The following PELP1 variants were observed in gnomAD, a reference collection of about 807,000 sequenced individuals.
The protein encoded by PELP1 is proline-, glutamic acid- and leucine-rich protein 1.
A neutral mutation model predicts 95.5 loss-of-function variants in PELP1; 32 were observed. That is an observed-to-expected ratio of 0.34 (90% CI 0.25 to 0.45). PELP1 has a LOEUF of 0.45. Among genes scored for constraint, PELP1 ranks in the 20% least tolerant of loss-of-function variants. PELP1 has a pLI of 1.00. For missense variants in PELP1, 1,358 were observed against 1,444.8 expected, an observed-to-expected ratio of 0.94 and a Z score of 0.97; for synonymous variants, 668 against 600.1, an observed-to-expected ratio of 1.11 and a Z score of -1.65.
chr17:4,694,593 G>A (rs1446874230), intron 1 of PELP1, among the ~76,000 whole-genome samples: 1 of 149,324 alleles, frequency 6.7e-6, no homozygotes, highest in Non-Finnish European at 1.5e-5. Flanking sequence ...ACGGGAGGCG[G>A]AGGTCGCAAT....
Position 4,704,121 on chromosome 17 carries a change from G to A in PELP1, c.-10C>T. 4 of 1,602,532 alleles carry A rather than the reference G, an allele frequency of 2.5e-6. No individual in the cohort carries two copies. Among genetic ancestry groups the A allele is most frequent in the Non-Finnish European group, 3.4e-6 (4 of 1,177,074 alleles). On this transcript the variant is annotated 5_prime_UTR_variant, in exon 1 of 17. Transcript: ENST00000572293. ...GAACGGCTGCCGCCATCTTCCCCCG[G>A]GTTCCAGTGGTGGCGTGGCGCGATG...
Position 4,675,406 on chromosome 17 carries a change from G to T in PELP1, c.1069-44C>A. 1.7e-6 allele frequency: 2 copies of T among 1,169,444 alleles called. No individual in the cohort carries two copies. The highest frequency in any genetic ancestry group is 1.3e-5 in the South Asian group (1 of 76,254). The allele number at this position is 1,169,444 out of a possible 1,614,324, so 72.4% of individuals were successfully genotyped here. On this transcript the variant is annotated intron_variant, in intron 9 of 16. Transcript: ENST00000572293. The surrounding 1 kb of genome is among the most constrained non-coding windows in gnomAD (Gnocchi z 4.3). ...GAGATAAAGAGTGGAGGAAGAAAGT[G>T]AGAGCCAGAGAGAGACAGAAACAGG...
Position 4,688,272 on chromosome 17 carries a change from G to T in PELP1, c.420+2616C>A, listed in dbSNP as rs1176755080. The stretch of plus-strand genomic sequence containing the variant: ...ATTGCTTGAACCCAGGAGGCGGAGG[G>T]TGCAGTGAGCCAAGTCTGTGCCACT... On this transcript the variant is annotated intron_variant, in intron 3 of 16. Coordinates refer to ENST00000572293, the MANE Select transcript of PELP1 (RefSeq NM_014389.3). 2.0e-5 allele frequency among the ~76,000 whole-genome samples: 3 copies of T among 152,036 alleles called. No homozygotes were observed. The East Asian group carries it at 5.8e-4, about 29-fold the overall frequency.
chr17:4,690,653 C>A (rs1479117926), intron 3 of PELP1, among the ~76,000 whole-genome samples: 1 of 152,074 alleles, frequency 6.6e-6, no homozygotes, highest in African/African-American at 2.4e-5. Flanking sequence ...ACCCAAGAGG[C>A]AGAGGATGCA....
chr17:4,691,554 T>C, intron 1 of PELP1, 112 bp from the exon 2 acceptor site: 1 of 756,162 alleles, frequency 1.3e-6, no homozygotes, highest in Admixed American at 2.3e-5. Flanking sequence ...AAGTCACATC[T>C]CCTCTGAGGC....
intron 5 of PELP1, among the ~76,000 whole-genome samples, chr17:4,680,824 A>AG (rs1287580665): frequency 6.6e-6 from 1 of 152,256 alleles, no homozygotes; most frequent in Admixed American, 6.5e-5. Context: ...TCTTAGGTAT[A>AG]GTTGGCATCC....
chr17:4,675,072 T>C lies in PELP1; in HGVS notation c.1274+7A>G. ...TTTATTCCCTTCCTGCCTTCCTGGA[T>C]GGTCACCTGTAAGGCCTCTCCTGGC... On this transcript the variant is annotated splice_region_variant and intron_variant, in intron 11 of 16. Coordinates refer to ENST00000572293, the MANE Select transcript of PELP1 (RefSeq NM_014389.3). The surrounding 1 kb of genome is among the most constrained non-coding windows in gnomAD (Gnocchi z 4.3). 6.2e-7 allele frequency: 1 copy of C among 1,612,218 alleles called. No individual in the cohort carries two copies. The highest frequency in any genetic ancestry group is 8.5e-7 in the Non-Finnish European group (1 of 1,178,402).
intron 1 of PELP1, among the ~76,000 whole-genome samples, chr17:4,701,141 A>G (rs1231971413): frequency 1.3e-5 from 2 of 152,088 alleles, no homozygotes; most frequent in Admixed American, 1.3e-4. Context: ...AAGTTTTATT[A>G]ATTACATACA....
In PELP1 at chr17:4,673,528, T is replaced by C. The variant is rs562722738; in HGVS notation, c.1639-72A>G. 28 of 1,568,676 alleles carry C rather than the reference T, an allele frequency of 1.8e-5. No individual in the cohort carries two copies. The South Asian group carries it at 2.9e-4, about 16-fold the overall frequency. ...CCCTTCTCCAGAGCCTACTCCCAGGTCGGAATGGACCCACCTCTGGGCCAC... is the reference window on the plus strand; with the variant it reads ...CCCTTCTCCAGAGCCTACTCCCAGGCCGGAATGGACCCACCTCTGGGCCAC... On this transcript the variant is annotated intron_variant, in intron 14 of 16. Coordinates refer to ENST00000572293, the MANE Select transcript of PELP1 (RefSeq NM_014389.3). This position sits in a 1 kb window ranked among gnomAD's most constrained non-coding sequence, Gnocchi z 5.7.
Position 4,672,550 on chromosome 17 carries a change from G to T in PELP1, c.2441C>A (p.Thr814Asn). The change falls in exon 16 of 17, where the codon ACT becomes AAT. Residue 814 changes from threonine to asparagine, a missense_variant. Coordinates refer to ENST00000572293, the MANE Select transcript of PELP1 (RefSeq NM_014389.3). ...SGATPPPIAP[T>N]GPPTASPPVP... ...AGGAGGGGAGGCTGTTGGTGGCCCA[G>T]TGGGGGCTATAGGGGGTGGTGTGGC... is the stretch of plus-strand genomic sequence containing the variant. 6.3e-7 allele frequency: 1 copy of T among 1,587,800 alleles called. No individual in the cohort carries two copies. The highest frequency in any genetic ancestry group is 8.6e-7 in the Non-Finnish European group (1 of 1,165,274).
chr17:4,683,410 C>CA (rs1258683591), intron 3 of PELP1, among the ~76,000 whole-genome samples: 10 of 151,458 alleles, frequency 6.6e-5, no homozygotes, highest in Admixed American at 5.9e-4. Context: ...TTAGTAGAGA[C>CA]GGGGTTTCAC....
intron 3 of PELP1, among the ~76,000 whole-genome samples, chr17:4,684,261 A>G (rs1912826681): frequency 6.6e-6 from 1 of 152,058 alleles, no homozygotes; most frequent in African/African-American, 2.4e-5. Context: ...CAGTAATCCT[A>G]CCACATTTCT....
At chr17:4,674,454 G>T in intron 13 of PELP1, 56 bp downstream of exon 13, 2 of 1,537,850 alleles carry the variant, frequency 1.3e-6, no homozygotes, top group African/African-American at 1.4e-5. Flanking sequence ...TCCCACTAGG[G>T]GAAAGGATGG....
intron 5 of PELP1, among the ~76,000 whole-genome samples, chr17:4,680,330 T>A (rs1912642229): frequency 6.6e-6 from 1 of 152,088 alleles, no homozygotes; most frequent in African/African-American, 2.4e-5. Context: ...CAGGCTGGAG[T>A]ACAGTGGTGC....
intron 1 of PELP1, among the ~76,000 whole-genome samples, chr17:4,698,578 G>A (rs1486697374): frequency 1.4e-5 from 2 of 143,502 alleles, no homozygotes; most frequent in Non-Finnish European, 3.0e-5. Flanking sequence ...GGGGGCGGAG[G>A]TTCCAGTGAG....
chr17:4,671,875 C>A lies in PELP1; in HGVS notation c.3116G>T (p.Arg1039Met). The stretch of plus-strand genomic sequence containing the variant: ...CCCTGCCGCAGGGCTTTCCCCTTCC[C>A]TCTCCACCTCTCCCTGGGAGGGGAG... The part of the protein sequence containing the change: ...EALPSQGEVE[R>M]EGESPAAGPP... The change falls in exon 16 of 17, where the codon AGG (arginine) becomes ATG (methionine). Residue 1039 changes from arginine to methionine, a missense_variant. Transcript: ENST00000572293. 4.0e-6 allele frequency: 6 copies of A among 1,514,048 alleles called. No individual in the cohort carries two copies. Among genetic ancestry groups the A allele is most frequent in the Non-Finnish European group, 5.3e-6 (6 of 1,134,904 alleles). The allele number at this position is 1,514,048 out of a possible 1,614,324, so 93.8% of individuals were successfully genotyped here. A position where few individuals can be genotyped will look rare whatever the true frequency, so the allele number is the denominator to read the frequency against.
intron 2 of PELP1, 138 bp downstream of exon 2, chr17:4,691,239 AG>A (rs1913087308): frequency 1.4e-6 from 1 of 708,040 alleles, no homozygotes; most frequent in Non-Finnish European, 2.5e-6. Flanking sequence ...AGCTCACAAA[AG>A]GAATGTAACT....
chr17:4,683,325 A>G (rs1180582215), intron 3 of PELP1, among the ~76,000 whole-genome samples: 27 of 149,062 alleles, frequency 1.8e-4, no homozygotes, highest in Admixed American at 6.8e-4. Context: ...GGTTCACGCC[A>G]TTCTCCTGCC....
At position 4,690,877 on chromosome 17, in the gene PELP1, T is replaced by TGAA. The variant is rs757980491; in HGVS notation, c.420+8_420+10dup. On this transcript the variant is annotated intron_variant, in intron 3 of 16. Transcript: ENST00000572293. ...GAGGAGGAGGAAGTAGGGCAGCAGC[T>TGAA]GAAACCTCACCTGTAACACCTGCTG... is the stretch of plus-strand genomic sequence containing the variant. 2 of 1,584,730 alleles carry TGAA rather than the reference T, an allele frequency of 1.3e-6. No individual in the cohort carries two copies. The highest frequency in any genetic ancestry group is 3.3e-5 in the Admixed American group (2 of 59,928).
Sources: allele counts gnomAD v4.1 joint callset (sites outside exome capture counted in the v4.1 genomes callset), GRCh38; gene constraint gnomAD v4.1.1; non-coding constraint Gnocchi (gnomAD v3.1); transcripts MANE v1.5; gene names NCBI Gene and HGNC (gene_info 2026-07-23, HGNC 2026-07-21).